ITGAD: variants seen among roughly 807,000 people sequenced by gnomAD.
ITGAD encodes integrin alpha-D.
ITGAD carries 105 observed loss-of-function variants against 139.0 expected under a neutral mutation model. The ratio of observed to expected loss-of-function variants is 0.76; its 90% CI spans 0.65 to 0.89. The LOEUF is 0.89. Ranked by LOEUF, ITGAD falls within the 40% of genes least tolerant of loss-of-function variation. The probability of loss-of-function intolerance (pLI) is 0.00; values close to 1 mark genes in which losing one functional copy is unlikely to be tolerated. For synonymous variants in ITGAD, 569 were observed against 598.3 expected, an observed-to-expected ratio of 0.95 and a Z score of 0.71; for missense variants, 1,384 against 1,487.3, an observed-to-expected ratio of 0.93 and a Z score of 1.14.
At chr16:31,399,416 G>C (rs1015569445) in intron 5 of ITGAD, among the ~76,000 whole-genome samples, 1 of 152,190 alleles carries the variant, frequency 6.6e-6, no homozygotes, top group Non-Finnish European at 1.5e-5. Flanking sequence ...GAATGCCAGG[G>C]GCCGCTCAGG....
chr16:31,409,308 CAACAAA>C (rs2081619045), intron 10 of ITGAD, among the ~76,000 whole-genome samples: 4 of 150,974 alleles, frequency 2.6e-5, no homozygotes, highest in East Asian at 3.9e-4. Flanking sequence ...ACAACAACAA[CAACAAA>C]AACAAAAACA....
chr16:31,399,320 C>G (rs746162499), intron 5 of ITGAD, among the ~76,000 whole-genome samples: 31 of 152,294 alleles, frequency 2.0e-4, no homozygotes, highest in South Asian at 6.2e-4. Context: ...ATGTGATAGC[C>G]CCTCTGACCC....
At chr16:31,423,250 T>C in intron 24 of ITGAD, 58 bp downstream of exon 24, 1 of 1,595,614 alleles carries the variant, frequency 6.3e-7, no homozygotes, top group Non-Finnish European at 8.6e-7. Context: ...AGTTGGAAGT[T>C]GGTGGAGAAG....
intron 14 of ITGAD, among the ~76,000 whole-genome samples, 154 bp downstream of exon 14, chr16:31,411,671 A>G (rs2081720614): frequency 6.6e-6 from 1 of 152,168 alleles, no homozygotes; most frequent in Non-Finnish European, 1.5e-5. Context: ...TTGTTCCAGA[A>G]AGCCTTCCAT....
intron 2 of ITGAD, 88 bp from the exon 3 acceptor site, chr16:31,397,271 C>T: frequency 2.4e-6 from 2 of 842,178 alleles, no homozygotes; most frequent in African/African-American, 3.4e-5. Context: ...TCTCGCTTCC[C>T]CATGGAGGGA....
At chr16:31,401,898 G>A (rs945899511) in intron 5 of ITGAD, among the ~76,000 whole-genome samples, 1 of 152,188 alleles carries the variant, frequency 6.6e-6, no homozygotes, top group African/African-American at 2.4e-5. Flanking sequence ...AATGGATGAG[G>A]AGCCCACCTG....
At position 31,416,592 on chromosome 16, in the gene ITGAD, G is replaced by C. The variant is rs752658398; in HGVS notation, c.2445G>C (p.Val815=). 3 of 1,613,860 alleles carry C rather than the reference G, an allele frequency of 1.9e-6. No homozygotes were observed. The East Asian group carries it at 6.7e-5, about 36-fold the overall frequency. ...CAGGTGAGGATTCCTACGGAACCGT[G>C]GTCAGCCTCTACTATCCAGCAGGGC... ...WNAGEDSYGT[V]VSLYYPAGLS... Residue 815 remains valine, a synonymous_variant, in exon 20 of 30, where the codon GTG becomes GTC. Transcript: ENST00000389202.
intron 29 of ITGAD, 45 bp from the exon 30 acceptor site, chr16:31,425,970 C>A: frequency 7.5e-7 from 1 of 1,339,858 alleles, no homozygotes; most frequent in Non-Finnish European, 1.1e-6. Context: ...TGTGAGCCAC[C>A]GGGCCCGGAC....
At chr16:31,415,352 C>A (rs903043590) in intron 18 of ITGAD, among the ~76,000 whole-genome samples, 2 of 152,196 alleles carry the variant, frequency 1.3e-5, no homozygotes, top group African/African-American at 2.4e-5. Flanking sequence ...CACTCCCCTG[C>A]GTAATCCCCC....
intron 6 of ITGAD, chr16:31,402,473 T>G: frequency 2.7e-6 from 1 of 372,072 alleles, no homozygotes; most frequent in Non-Finnish European, 4.9e-6. Flanking sequence ...TTTCTGCTGT[T>G]TAAAAACATT....
intron 20 of ITGAD, 49 bp from the exon 21 acceptor site, chr16:31,418,026 C>A: frequency 7.0e-7 from 1 of 1,437,000 alleles, no homozygotes; most frequent in Non-Finnish European, 9.8e-7. Context: ...GTGTATCAAG[C>A]CCACACATGC....
chr16:31,412,471 G>A (rs1009444032), intron 14 of ITGAD, among the ~76,000 whole-genome samples: 4 of 151,966 alleles, frequency 2.6e-5, no homozygotes, highest in African/African-American at 9.7e-5. Flanking sequence ...TTTGACTTCC[G>A]CCACTCCCAT....
intron 28 of ITGAD, 52 bp downstream of exon 28, chr16:31,424,255 T>A: frequency 6.2e-7 from 1 of 1,602,288 alleles, no homozygotes; most frequent in African/African-American, 1.3e-5. Context: ...CCCCTAGGGC[T>A]ACATCTGTGG....
intron 2 of ITGAD, among the ~76,000 whole-genome samples, chr16:31,396,900 G>A (rs1160292476): frequency 6.6e-6 from 1 of 152,108 alleles, no homozygotes; most frequent in Non-Finnish European, 1.5e-5. Context: ...TTGGTCCAAT[G>A]AATTACAGAA....
At chr16:31,414,716 A>G (rs2081838122) in intron 17 of ITGAD, 111 bp downstream of exon 17, 1 of 1,554,912 alleles carries the variant, frequency 6.4e-7, no homozygotes, top group Non-Finnish European at 8.8e-7. Context: ...TTGGGGCTGG[A>G]GAGAGGGACA....
intron 29 of ITGAD, among the ~76,000 whole-genome samples, chr16:31,425,569 G>GT (rs1460303564): frequency 2.6e-5 from 4 of 152,140 alleles, no homozygotes; most frequent in Non-Finnish European, 5.9e-5. Flanking sequence ...GCACACAAAC[G>GT]TAAGTTAGCT....
intron 23 of ITGAD, among the ~76,000 whole-genome samples, chr16:31,421,592 G>A (rs1324603794): frequency 2.0e-5 from 3 of 152,060 alleles, no homozygotes; most frequent in Non-Finnish European, 4.4e-5. Flanking sequence ...GAGGAAAACC[G>A]GCATACTTAG....
At chr16:31,419,812 CAAAAAAAAAA>C (rs1202333629) in intron 23 of ITGAD, among the ~76,000 whole-genome samples, 10 of 58,258 alleles carry the variant, frequency 1.7e-4, no homozygotes, top group Admixed American at 1.8e-4. Context: ...GGCTCTGTCT[CAAAAAAAAAA>C]AAAAAAAAAG....
At chr16:31,405,468 C>T (rs2081514389) in intron 7 of ITGAD, among the ~76,000 whole-genome samples, 1 of 152,152 alleles carries the variant, frequency 6.6e-6, no homozygotes, top group South Asian at 2.1e-4. Flanking sequence ...ATTTTAGTAA[C>T]ATCAAGGGAT....
Sources: allele counts gnomAD v4.1 joint callset (sites outside exome capture counted in the v4.1 genomes callset), GRCh38; gene constraint gnomAD v4.1.1; transcripts MANE v1.5; gene names NCBI Gene and HGNC (gene_info 2026-07-23, HGNC 2026-07-21).